DNMBP: variants seen among roughly 807,000 people sequenced by gnomAD.
DNMBP encodes dynamin binding protein.
Under a neutral mutation model 150.0 loss-of-function variants are expected in DNMBP, and 87 were observed. That is an observed-to-expected ratio of 0.58 (90% CI 0.49 to 0.69). The LOEUF (loss-of-function observed/expected upper bound fraction) is 0.69, where lower values mean the gene tolerates loss of function less well. DNMBP is among the 30% of genes least tolerant of loss of function. The pLI, the probability that DNMBP is intolerant of heterozygous loss-of-function variation, is 0.00. For synonymous variants in DNMBP, 711 were observed against 750.4 expected (o/e 0.95, Z 0.86); for missense variants, 1,774 against 1,949.0 (o/e 0.91, Z 1.69).
rs193267871 is a variant in DNMBP, at chr10:100,008,750, T to C, written c.-11+1088A>G. Among the ~76,000 whole-genome samples the C allele has an allele frequency of 1.2e-3, 184 of 152,348 alleles. No individual in the cohort carries two copies. In the Middle Eastern group the frequency reaches 0.017, roughly 14 times the overall value. ...AGAGAAAAATGGGTAGAGGATAAAC[T>C]AACTTGCTGATCACCGTGTCGGTAT... On this transcript the variant is annotated intron_variant, in intron 1 of 16. Coordinates refer to ENST00000324109, the MANE Select transcript of DNMBP (RefSeq NM_015221.4).
chr10:99,937,936 T>C (rs1248634729), intron 4 of DNMBP, among the ~76,000 whole-genome samples: 1 of 152,210 alleles, frequency 6.6e-6, no homozygotes, highest in East Asian at 1.9e-4. Context: ...AATGAGGAAA[T>C]GACACCTGCC....
intron 13 of DNMBP, 26 bp from the exon 14 acceptor site, chr10:99,885,892 TAGAGA>T (rs1564715773): frequency 2.5e-6 from 4 of 1,572,042 alleles, no homozygotes; most frequent in Non-Finnish European, 2.6e-6. Flanking sequence ...AGAGCAGAGA[TAGAGA>T]AAAGAAGAAA....
intron 4 of DNMBP, among the ~76,000 whole-genome samples, chr10:99,918,464 G>A (rs1333860589): frequency 1.3e-5 from 2 of 151,962 alleles, no homozygotes; most frequent in East Asian, 1.9e-4. Flanking sequence ...ATTCCACCTC[G>A]GAGACCCAGC....
At chr10:99,939,947 C>A (rs1247382295) in intron 4 of DNMBP, among the ~76,000 whole-genome samples, 1 of 152,234 alleles carries the variant, frequency 6.6e-6, no homozygotes, top group Non-Finnish European at 1.5e-5. Flanking sequence ...CGCAACCAAT[C>A]AGCAGCACCC....
At chr10:99,916,644 T>C (rs891665874) in intron 4 of DNMBP, among the ~76,000 whole-genome samples, 1 of 133,404 alleles carries the variant, frequency 7.5e-6, no homozygotes, top group Non-Finnish European at 1.7e-5. Context: ...AACTTTAATA[T>C]TTTTTCTACT....
At chr10:99,895,121 G>GTT in intron 10 of DNMBP, 71 bp from the exon 11 acceptor site, 43 of 632,644 alleles carry the variant, frequency 6.8e-5, no homozygotes, top group South Asian at 5.3e-4. Flanking sequence ...AAAGTAGCTT[G>GTT]CTTTTTTTTT....
chr10:99,957,403 G>A, intron 3 of DNMBP, 198 bp from the exon 4 acceptor site: 2 of 610,128 alleles, frequency 3.3e-6, no homozygotes, highest in Middle Eastern at 4.4e-4. Context: ...AGTGTTCCAT[G>A]GAACCCTACA....
chr10:99,941,505 G>A (rs911890482), intron 4 of DNMBP, among the ~76,000 whole-genome samples: 4 of 145,554 alleles, frequency 2.7e-5, no homozygotes, highest in African/African-American at 5.1e-5. Context: ...TTTCACTCTT[G>A]TTGCCCAGAC....
At chr10:99,973,200 G>A (rs1050598547) in intron 1 of DNMBP, among the ~76,000 whole-genome samples, 4 of 152,150 alleles carry the variant, frequency 2.6e-5, no homozygotes, top group Middle Eastern at 3.4e-3. Flanking sequence ...CAAAGTGTTG[G>A]GATTCCAGGC....
chr10:99,917,663 T>C (rs1335157268), intron 4 of DNMBP, among the ~76,000 whole-genome samples: 2 of 152,076 alleles, frequency 1.3e-5, no homozygotes, highest in Admixed American at 6.6e-5. Context: ...TCAATCCCTA[T>C]AAATGGATGA....
At chr10:99,966,495 T>G (rs1208484404) in intron 3 of DNMBP, among the ~76,000 whole-genome samples, 1 of 152,202 alleles carries the variant, frequency 6.6e-6, no homozygotes, top group Non-Finnish European at 1.5e-5. Flanking sequence ...TCGGATGGCA[T>G]GCTTCCTAAG....
intron 4 of DNMBP, among the ~76,000 whole-genome samples, chr10:99,914,457 C>T (rs888411976): frequency 6.6e-6 from 1 of 152,116 alleles, no homozygotes; most frequent in Non-Finnish European, 1.5e-5. Flanking sequence ...GTTTAGTCTG[C>T]TCCTGAGCCT....
chr10:99,945,640 T>C (rs548007107), intron 4 of DNMBP, among the ~76,000 whole-genome samples: 3 of 152,258 alleles, frequency 2.0e-5, no homozygotes, highest in Non-Finnish European at 4.4e-5. Flanking sequence ...GTGCTAAATC[T>C]TGCTCAGAGA....
chr10:99,992,098 G>A (rs1245931390), intron 1 of DNMBP, among the ~76,000 whole-genome samples: 1 of 151,708 alleles, frequency 6.6e-6, no homozygotes, highest in Non-Finnish European at 1.5e-5. Flanking sequence ...AAATTGGGCG[G>A]GTGAGGTGGC....
At chr10:99,904,660 C>T (rs973963164) in intron 6 of DNMBP, among the ~76,000 whole-genome samples, 8 of 152,148 alleles carry the variant, frequency 5.3e-5, no homozygotes, top group African/African-American at 7.2e-5. Context: ...TTAGTCCTTG[C>T]GCCTAGGTCT....
At chr10:99,965,234 A>G (rs2040608621) in intron 3 of DNMBP, among the ~76,000 whole-genome samples, 1 of 152,168 alleles carries the variant, frequency 6.6e-6, no homozygotes, top group African/African-American at 2.4e-5. Context: ...TTTTGTAGAT[A>G]AGAAAACTGA....
At chr10:99,929,459 A>C in intron 4 of DNMBP, 1 of 577,998 alleles carries the variant, frequency 1.7e-6, no homozygotes, top group South Asian at 2.3e-5. Context: ...AAGTAATTAA[A>C]TCTCTAAGGT....
chr10:99,935,982 G>T (rs2040226102), intron 4 of DNMBP, among the ~76,000 whole-genome samples: 1 of 152,134 alleles, frequency 6.6e-6, no homozygotes, highest in Non-Finnish European at 1.5e-5. Flanking sequence ...TTGCTACCCA[G>T]ATCTTATTTT....
intron 4 of DNMBP, among the ~76,000 whole-genome samples, chr10:99,949,754 C>G (rs2040398377): frequency 6.6e-6 from 1 of 152,118 alleles, no homozygotes; most frequent in South Asian, 2.1e-4. Flanking sequence ...AGTCAGAACA[C>G]TTGCTGAATA....
Sources: gnomAD v4.1 joint callset for allele counts (sites outside exome capture counted in the v4.1 genomes callset) on GRCh38, gnomAD v4.1.1 for gene constraint, MANE v1.5 for transcripts, NCBI Gene and HGNC (gene_info 2026-07-23, HGNC 2026-07-21) for gene names.